The following SLC26A7 variants were observed in gnomAD, a reference collection of about 807,000 sequenced individuals.
SLC26A7 encodes the protein solute carrier family 26 member 7.
Under a neutral mutation model 82.5 loss-of-function variants are expected in SLC26A7, and 59 were observed. The observed-to-expected ratio is 0.72, with a 90% CI of 0.58 to 0.89. SLC26A7 has a LOEUF of 0.89. Among genes scored for constraint, SLC26A7 ranks in the 40% least tolerant of loss-of-function variants. The probability of loss-of-function intolerance (pLI) is 0.00; values close to 1 mark genes in which losing one functional copy is unlikely to be tolerated. For missense variants in SLC26A7, 820 were observed against 793.0 expected, an observed-to-expected ratio of 1.03 and a Z score of -0.41; for synonymous variants, 271 against 274.3, an observed-to-expected ratio of 0.99 and a Z score of 0.12.
At chr8:91,377,954 G>A (rs1475795275) in intron 15 of SLC26A7, among the ~76,000 whole-genome samples, 2 of 151,970 alleles carry the variant, frequency 1.3e-5, no homozygotes, top group Non-Finnish European at 2.9e-5. Context: ...GGTATCTGAT[G>A]TTCCTAGTTA....
chr8:91,365,914 A>T (rs892764000), intron 13 of SLC26A7, among the ~76,000 whole-genome samples: 4 of 152,190 alleles, frequency 2.6e-5, no homozygotes, highest in African/African-American at 9.6e-5. Context: ...CCCAAAGGTC[A>T]TAGAGAAGAC....
At chr8:91,316,858 C>T (rs1812646390) in intron 4 of SLC26A7, among the ~76,000 whole-genome samples, 1 of 151,254 alleles carries the variant, frequency 6.6e-6, no homozygotes, top group Non-Finnish European at 1.5e-5. Flanking sequence ...ATTGAAGTAT[C>T]AGGAGTTAGA....
intron 4 of SLC26A7, among the ~76,000 whole-genome samples, chr8:91,302,423 AAAT>A (rs1024699062): frequency 6.6e-6 from 1 of 152,126 alleles, no homozygotes; most frequent in Non-Finnish European, 1.5e-5. Context: ...CAGACAAAAT[AAAT>A]AATTTCTGTT....
chr8:91,390,384 T>TGGGATTACAGGCGTGAACCTC (rs1814929708), intron 16 of SLC26A7, among the ~76,000 whole-genome samples: 1 of 152,212 alleles, frequency 6.6e-6, no homozygotes, highest in Admixed American at 6.5e-5. Context: ...CCCAAAGTGC[T>TGGGATTACAGGCGTGAACCTC]GGGATTACAG....
At chr8:91,215,978 A>G (rs1390208436) in intron 1 of SLC26A7, among the ~76,000 whole-genome samples, 3 of 152,216 alleles carry the variant, frequency 2.0e-5, no homozygotes, top group Non-Finnish European at 4.4e-5. Context: ...TGTTATGCAA[A>G]CATTACTAGA....
chr8:91,375,464 A>G (rs538064938), intron 15 of SLC26A7, among the ~76,000 whole-genome samples: 1 of 151,240 alleles, frequency 6.6e-6, no homozygotes, highest in African/African-American at 2.4e-5. Context: ...GAGAAAGACT[A>G]TTTCTCCTTC....
chr8:91,382,206 T>A (rs1175591464), intron 15 of SLC26A7, among the ~76,000 whole-genome samples: 2 of 152,224 alleles, frequency 1.3e-5, no homozygotes, highest in East Asian at 1.9e-4. Context: ...TTAAATCACT[T>A]CTACTTTAAA....
At chr8:91,276,423 G>A (rs554399139) in intron 2 of SLC26A7, among the ~76,000 whole-genome samples, 5 of 152,072 alleles carry the variant, frequency 3.3e-5, no homozygotes, top group African/African-American at 1.2e-4. Flanking sequence ...TTAGTGTGGC[G>A]CTATGAGCCT....
rs749010710 is a variant in SLC26A7 at position 91,340,471 on chromosome 8, GC to G, written c.947del (p.Ala316AspfsTer3). ...GGTGATCACTGAAGCTTTCGGAGTGGCACTTGTAGGCTATGTGGCCTCACTG... is the reference window on the plus strand; with the variant it reads ...GGTGATCACTGAAGCTTTCGGAGTGGACTTGTAGGCTATGTGGCCTCACTG... ...SAVITEAFGV[A>X]LVGYVASLAL... On this transcript the variant is annotated frameshift_variant, in exon 8 of 19. Transcript: ENST00000276609. LOFTEE classifies it high-confidence loss of function. 1 of 1,613,906 alleles carries G rather than the reference GC, an allele frequency of 6.2e-7. No individual in the cohort carries two copies. The highest frequency in any genetic ancestry group is 1.7e-5 in the Admixed American group (1 of 59,986).
At chr8:91,387,904 A>G (rs1814841818) in intron 15 of SLC26A7, among the ~76,000 whole-genome samples, 1 of 152,212 alleles carries the variant, frequency 6.6e-6, no homozygotes. Flanking sequence ...TCCTTCTTGA[A>G]CATAGTACAA....
intron 14 of SLC26A7, among the ~76,000 whole-genome samples, chr8:91,367,820 C>T (rs1381080628): frequency 3.3e-5 from 5 of 152,136 alleles, no homozygotes; most frequent in African/African-American, 4.8e-5. Context: ...CTTGTGTCCT[C>T]GAGCTACTTA....
intron 4 of SLC26A7, among the ~76,000 whole-genome samples, chr8:91,299,120 G>T (rs1019119669): frequency 6.6e-6 from 1 of 152,024 alleles, no homozygotes; most frequent in Non-Finnish European, 1.5e-5. Flanking sequence ...TTTGTGAATT[G>T]TCTATTTATA....
intron 4 of SLC26A7, among the ~76,000 whole-genome samples, chr8:91,306,650 A>G (rs1443273918): frequency 4.6e-5 from 7 of 152,128 alleles, no homozygotes; most frequent in South Asian, 2.1e-4. Flanking sequence ...ATTTGTCACA[A>G]TTAATGAACC....
chr8:91,358,949 A>AG (rs1813967305), intron 11 of SLC26A7, among the ~76,000 whole-genome samples: 1 of 152,176 alleles, frequency 6.6e-6, no homozygotes, highest in Admixed American at 6.5e-5. Flanking sequence ...GGGACGGGGG[A>AG]GGGATAGAAT....
chr8:91,223,129 T>C (rs546026164), intron 2 of SLC26A7, among the ~76,000 whole-genome samples: 6 of 152,328 alleles, frequency 3.9e-5, no homozygotes, highest in Admixed American at 2.6e-4. Context: ...CATAGAGGTA[T>C]TTATAGTATT....
At chr8:91,260,079 A>G (rs969384082) in intron 2 of SLC26A7, among the ~76,000 whole-genome samples, 1 of 152,140 alleles carries the variant, frequency 6.6e-6, no homozygotes, top group Non-Finnish European at 1.5e-5. Context: ...TGAGCACTGT[A>G]TTAGTCCATT....
intron 4 of SLC26A7, among the ~76,000 whole-genome samples, chr8:91,301,543 T>C (rs1812164827): frequency 6.6e-6 from 1 of 151,988 alleles, no homozygotes; most frequent in South Asian, 2.1e-4. Flanking sequence ...TAAAAAAATT[T>C]ATTGTTTCAA....
At chr8:91,261,806 A>C (rs1810973400) in intron 2 of SLC26A7, among the ~76,000 whole-genome samples, 1 of 152,054 alleles carries the variant, frequency 6.6e-6, no homozygotes, top group African/African-American at 2.4e-5. Flanking sequence ...ACTGGAGTGG[A>C]ACAAAGCAGT....
chr8:91,260,619 G>A (rs1185520134), intron 2 of SLC26A7, among the ~76,000 whole-genome samples: 1 of 152,086 alleles, frequency 6.6e-6, no homozygotes, highest in Non-Finnish European at 1.5e-5. Flanking sequence ...AATCATAATT[G>A]AGATAGATGG....
Sources: gnomAD v4.1 joint callset for allele counts (sites outside exome capture counted in the v4.1 genomes callset) on GRCh38, gnomAD v4.1.1 for gene constraint, MANE v1.5 for transcripts, NCBI Gene and HGNC (gene_info 2026-07-23, HGNC 2026-07-21) for gene names.